The following SYT1 variants were observed in gnomAD, a reference collection of about 807,000 sequenced individuals.
The protein encoded by SYT1 is synaptotagmin-1.
In SYT1, 8 loss-of-function variants were observed where a neutral mutation model predicts 44.8. The ratio of observed to expected loss-of-function variants is 0.18; its 90% CI spans 0.10 to 0.32. The LOEUF (loss-of-function observed/expected upper bound fraction) is 0.32, where lower values mean the gene tolerates loss of function less well. Ranked by LOEUF, SYT1 falls within the 10% of genes least tolerant of loss-of-function variation. SYT1 has a pLI of 1.00. For missense variants in SYT1, 286 were observed against 509.3 expected, an observed-to-expected ratio of 0.56 and a Z score of 4.22; for synonymous variants, 154 against 188.8, an observed-to-expected ratio of 0.82 and a Z score of 1.51.
At chr12:78,924,045 A>G (rs538550681) in intron 1 of SYT1, among the ~76,000 whole-genome samples, 2 of 152,112 alleles carry the variant, frequency 1.3e-5, no homozygotes, top group South Asian at 4.1e-4. Context: ...TCTAAATAAT[A>G]TAAGCCAGTT....
At chr12:79,396,797 G>A (rs1320159531) in intron 9 of SYT1, among the ~76,000 whole-genome samples, 4 of 152,196 alleles carry the variant, frequency 2.6e-5, no homozygotes, top group African/African-American at 9.6e-5. Flanking sequence ...GGAATAGAGA[G>A]ATTAACATGA....
At chr12:79,031,352 G>A (rs1353284147) in intron 2 of SYT1, among the ~76,000 whole-genome samples, 1 of 150,994 alleles carries the variant, frequency 6.6e-6, no homozygotes, top group African/African-American at 2.4e-5. Context: ...ATTTGAGGTT[G>A]TAGTAGATTG....
intron 9 of SYT1, among the ~76,000 whole-genome samples, chr12:79,399,009 C>T (rs1416163590): frequency 6.6e-6 from 1 of 152,168 alleles, no homozygotes; most frequent in Non-Finnish European, 1.5e-5. Flanking sequence ...CATGTAGTCT[C>T]AGAAAGTCTT....
intron 1 of SYT1, among the ~76,000 whole-genome samples, chr12:78,894,427 A>G (rs576291097): frequency 3.8e-5 from 5 of 132,118 alleles, no homozygotes; most frequent in South Asian, 4.7e-4. Flanking sequence ...AGAGACTTGT[A>G]CCCAAGCCTT....
intron 4 of SYT1, among the ~76,000 whole-genome samples, chr12:79,262,284 A>G (rs1877872264): frequency 6.6e-6 from 1 of 152,204 alleles, no homozygotes; most frequent in Non-Finnish European, 1.5e-5. Context: ...ATTCAATATA[A>G]CCAGTATTTA....
At chr12:79,108,095 T>G (rs1442740981) in intron 3 of SYT1, among the ~76,000 whole-genome samples, 1 of 151,662 alleles carries the variant, frequency 6.6e-6, no homozygotes, top group Admixed American at 6.6e-5. Flanking sequence ...ATGACATTAC[T>G]TTTTTTTAAT....
intron 1 of SYT1, among the ~76,000 whole-genome samples, chr12:78,931,242 G>A (rs12828174): frequency 0.023 from 498 of 21,938 alleles, 5 homozygotes; most frequent in Middle Eastern, 0.05. Flanking sequence ...AAAGAAAGAA[G>A]GAAGGAAGGA....
intron 2 of SYT1, among the ~76,000 whole-genome samples, chr12:79,033,251 T>C (rs996932603): frequency 1.3e-5 from 2 of 151,220 alleles, no homozygotes. Flanking sequence ...CCAAGTCAAA[T>C]AGTGTCAAAA....
At chr12:79,134,225 A>G (rs1330717299) in intron 3 of SYT1, among the ~76,000 whole-genome samples, 1 of 148,494 alleles carries the variant, frequency 6.7e-6, no homozygotes, top group Non-Finnish European at 1.5e-5. Context: ...GGAAGCATGG[A>G]AAAAAACTAA....
intron 8 of SYT1, among the ~76,000 whole-genome samples, chr12:79,339,181 C>T (rs1288520694): frequency 1.3e-5 from 2 of 152,124 alleles, no homozygotes; most frequent in African/African-American, 2.4e-5. Flanking sequence ...TGGGTATATA[C>T]CCAGTAATGG....
At chr12:79,179,534 TATAG>T (rs1217195925) in intron 3 of SYT1, among the ~76,000 whole-genome samples, 14 of 125,254 alleles carry the variant, frequency 1.1e-4, no homozygotes, top group East Asian at 2.8e-4. Flanking sequence ...TAGATATAGA[TATAG>T]ATATAGAGAT....
chr12:79,411,875 G>A (rs1046105504), intron 9 of SYT1, among the ~76,000 whole-genome samples: 5 of 151,612 alleles, frequency 3.3e-5, no homozygotes, highest in Admixed American at 1.3e-4. Context: ...ATATTGAGGC[G>A]TCCTTCTGCA....
chr12:79,326,012 G>A (rs1273856112), intron 8 of SYT1, among the ~76,000 whole-genome samples: 1 of 152,046 alleles, frequency 6.6e-6, no homozygotes, highest in Non-Finnish European at 1.5e-5. Flanking sequence ...ATTTATTGAT[G>A]GGGGGAAAAT....
chr12:79,067,568 G>C (rs1875960181), intron 3 of SYT1, among the ~76,000 whole-genome samples: 1 of 152,086 alleles, frequency 6.6e-6, no homozygotes, highest in South Asian at 2.1e-4. Flanking sequence ...AAAAACCATA[G>C]CTTTCCAAAA....
At chr12:78,865,355 C>G (rs1252685141) in intron 1 of SYT1, among the ~76,000 whole-genome samples, 1 of 152,076 alleles carries the variant, frequency 6.6e-6, no homozygotes, top group Non-Finnish European at 1.5e-5. Context: ...CTTCTTGCTT[C>G]CTCTTTCCTT....
At chr12:79,236,099 G>A (rs1467755035) in intron 4 of SYT1, among the ~76,000 whole-genome samples, 1 of 152,064 alleles carries the variant, frequency 6.6e-6, no homozygotes, top group Admixed American at 6.6e-5. Flanking sequence ...TCTGGTTTGA[G>A]CCCTCATCTA....
chr12:79,044,657 T>C (rs1446118129), intron 2 of SYT1, among the ~76,000 whole-genome samples: 10 of 150,362 alleles, frequency 6.7e-5, no homozygotes, highest in Non-Finnish European at 1.5e-4. Context: ...CCAGCTTTGT[T>C]CCGTTGCTGG....
At chr12:79,179,366 A>ATCGATATATCTATATC (rs1270737331) in intron 3 of SYT1, among the ~76,000 whole-genome samples, 421 of 2,322 alleles carry the variant, frequency 0.18, 37 homozygotes, top group Middle Eastern at 0.5. Flanking sequence ...ATATAGATAT[A>ATCGATATATCTATATC]GATATAGATA....
At chr12:79,228,770 C>T (rs1050524291) in intron 4 of SYT1, among the ~76,000 whole-genome samples, 13 of 152,172 alleles carry the variant, frequency 8.5e-5, no homozygotes, top group African/African-American at 2.7e-4. Flanking sequence ...CTACCTTGAA[C>T]GTCTCTCAAA....
Sources: gnomAD v4.1 joint callset for allele counts (sites outside exome capture counted in the v4.1 genomes callset) on GRCh38, gnomAD v4.1.1 for gene constraint, MANE v1.5 for transcripts, NCBI Gene and HGNC (gene_info 2026-07-23, HGNC 2026-07-21) for gene names.